Variants in SMAD4 observed in about 807,000 individuals in gnomAD.
SMAD4 encodes the protein SMAD family member 4.
Under a neutral mutation model 63.2 loss-of-function variants are expected in SMAD4, and 7 were observed. The observed-to-expected ratio is 0.11, with a 90% confidence interval of 0.06 to 0.21. SMAD4 has a LOEUF of 0.21. Among genes scored for constraint, SMAD4 ranks in the 10% least tolerant of loss-of-function variants. The pLI is 1.00. For missense variants in SMAD4, 312 were observed against 693.8 expected, an observed-to-expected ratio of 0.45 and a Z score of 6.18; for synonymous variants, 215 against 235.4, an observed-to-expected ratio of 0.91 and a Z score of 0.79.
At chr18:51,041,953 G>A (rs938466887) in intron 1 of SMAD4, among the ~76,000 whole-genome samples, 3 of 152,118 alleles carry the variant, frequency 2.0e-5, no homozygotes, top group Non-Finnish European at 4.4e-5. Context: ...CTCATTTATA[G>A]TCCCAAATCA....
intron 1 of SMAD4, among the ~76,000 whole-genome samples, chr18:51,041,363 G>T (rs1163793826): frequency 6.6e-6 from 1 of 152,280 alleles, no homozygotes; most frequent in East Asian, 1.9e-4. Context: ...CCTGGCACAT[G>T]GTAGTATTGT....
intron 1 of SMAD4, among the ~76,000 whole-genome samples, chr18:51,036,128 C>G (rs1343659050): frequency 6.6e-6 from 1 of 152,034 alleles, no homozygotes; most frequent in African/African-American, 2.4e-5. Flanking sequence ...CCGGCACCAC[C>G]ACGCCTGGCT....
At position 51,083,997 on chromosome 18, in the gene SMAD4, TGC is replaced by T. The variant is rs1555688043; in HGVS notation, c.*5533_*5534del. 7.3e-5 allele frequency: 9 copies of T among 124,008 alleles called. No homozygotes were observed. Among genetic ancestry groups the T allele is most frequent in the Admixed American group, 2.5e-4 (2 of 8,054 alleles). The allele number at this position is 124,008 out of a possible 1,614,324, so 7.7% of individuals were successfully genotyped here. Reference sequence around the variant, plus strand: ...GGCTGCAATAAACACTTAACGCGCGTGCGCACGCGCGCGCGCACACACACACA... The same window carrying T: ...GGCTGCAATAAACACTTAACGCGCGTGCACGCGCGCGCGCACACACACACA... On this transcript the variant is annotated 3_prime_UTR_variant, in exon 12 of 12. Transcript: ENST00000342988.
At chr18:51,032,575 T>C (rs1175018993) in intron 1 of SMAD4, among the ~76,000 whole-genome samples, 1 of 152,208 alleles carries the variant, frequency 6.6e-6, no homozygotes, top group Non-Finnish European at 1.5e-5. Flanking sequence ...GTGTGAATTC[T>C]TTTTCTGTAT....
chr18:51,052,617 T>C, intron 4 of SMAD4: 1 of 280,670 alleles, frequency 3.6e-6, no homozygotes, highest in Non-Finnish European at 7.1e-6. Context: ...GTTTTTTTAA[T>C]TTTATTTTTT....
chr18:51,031,616 T>C (rs546996158), intron 1 of SMAD4, among the ~76,000 whole-genome samples: 3 of 152,212 alleles, frequency 2.0e-5, no homozygotes, highest in African/African-American at 7.2e-5. Context: ...TAGCTAATTT[T>C]TGTTAGTAAC....
intron 10 of SMAD4, among the ~76,000 whole-genome samples, chr18:51,074,036 C>T (rs1910406662): frequency 6.6e-6 from 1 of 151,894 alleles, no homozygotes; most frequent in Non-Finnish European, 1.5e-5. Flanking sequence ...TTACAAAGAA[C>T]TCTTAAAACT....
At chr18:51,067,885 A>G (rs1254165978) in intron 10 of SMAD4, among the ~76,000 whole-genome samples, 1 of 152,336 alleles carries the variant, frequency 6.6e-6, no homozygotes, top group South Asian at 2.1e-4. Flanking sequence ...CAAATTAAGA[A>G]CCTGATAAGC....
chr18:51,058,656 C>T (rs1441273608), intron 7 of SMAD4, among the ~76,000 whole-genome samples, 200 bp downstream of exon 7: 1 of 152,044 alleles, frequency 6.6e-6, no homozygotes, highest in Non-Finnish European at 1.5e-5. Context: ...GTGATGTTTG[C>T]TAAATACATT....
intron 10 of SMAD4, among the ~76,000 whole-genome samples, chr18:51,070,095 C>G (rs1910276714): frequency 6.6e-6 from 1 of 152,176 alleles, no homozygotes; most frequent in Middle Eastern, 3.2e-3. Context: ...CCCATCTTGA[C>G]TCAGAAGTCT....
chr18:51,032,526 G>A (rs1372484004), intron 1 of SMAD4, among the ~76,000 whole-genome samples: 1 of 152,150 alleles, frequency 6.6e-6, no homozygotes, highest in African/African-American at 2.4e-5. Flanking sequence ...AAAAACCTCT[G>A]CTTCACTTTC....
intron 1 of SMAD4, among the ~76,000 whole-genome samples, chr18:51,042,971 G>A (rs1048511544): frequency 3.9e-5 from 6 of 152,202 alleles, no homozygotes; most frequent in Non-Finnish European, 8.8e-5. Flanking sequence ...TGTCACATTT[G>A]TAATGATTCT....
rs71171374 is a variant in SMAD4, at chr18:51,062,851, G to GTTTTTTTTT, written c.956-2556_956-2548dup. ...ACAGTCTAGTAATCTGGCTTTACTT[G>GTTTTTTTTT]TTTTTTTTTTTTTTTTTTTTTTTTG... On this transcript the variant is annotated intron_variant, in intron 8 of 11. Coordinates refer to ENST00000342988, the MANE Select transcript of SMAD4 (RefSeq NM_005359.6). 2.4e-3 allele frequency among the ~76,000 whole-genome samples: 154 copies of GTTTTTTTTT among 65,390 alleles called. 16 individuals are homozygous for GTTTTTTTTT. The highest frequency in any genetic ancestry group is 2.8e-3 in the East Asian group (5 of 1,798). The allele number at this position is 65,390 out of a possible 152,430, so 42.9% of individuals were successfully genotyped here.
At chr18:51,047,396 C>A (rs2144402586) in intron 2 of SMAD4, 101 bp downstream of exon 2, 1 of 1,039,356 alleles carries the variant, frequency 9.6e-7, no homozygotes, top group Non-Finnish European at 1.5e-6. Flanking sequence ...ATTTGTGCTC[C>A]ATCTCTTCAG....
intron 9 of SMAD4, chr18:51,066,817 A>ATACT: frequency 3.6e-6 from 2 of 548,790 alleles, no homozygotes; most frequent in Non-Finnish European, 6.5e-6. Flanking sequence ...GACACATAGT[A>ATACT]AGTGTTGTAA....
Position 51,083,550 on chromosome 18 carries a change from G to A in SMAD4, c.*5083G>A, listed in dbSNP as rs145596898. ...TGTTGATGTGGATACTTTTCACACC[G>A]TTTATTTAAATGCTTTCTCAATAGG... On this transcript the variant is annotated 3_prime_UTR_variant, in exon 12 of 12. Coordinates refer to ENST00000342988, the MANE Select transcript of SMAD4 (RefSeq NM_005359.6). 3,718 of 226,176 alleles carry A rather than the reference G, an allele frequency of 0.016. 39 individuals carry two copies. The highest frequency in any genetic ancestry group is 0.055 in the Middle Eastern group (41 of 744). The allele number at this position is 226,176 out of a possible 1,614,324, so 14.0% of individuals were successfully genotyped here.
rs1048165207 is a variant in SMAD4 at position 51,078,561 on chromosome 18, C to T, written c.*94C>T. 15 of 922,066 alleles carry T rather than the reference C, an allele frequency of 1.6e-5. No individual in the cohort carries two copies. In the African/African-American group the frequency reaches 2.0e-4, roughly 12 times the overall value. 57.1% of individuals were successfully genotyped at this position (922,066 alleles called of 1,614,324 possible). ...TCTGAAGATATATTTCACTTTTGTT[C>T]TGCTTTATCTTTTCATAAAGGGTTG... On this transcript the variant is annotated 3_prime_UTR_variant, in exon 12 of 12. Coordinates refer to ENST00000342988, the MANE Select transcript of SMAD4 (RefSeq NM_005359.6).
chr18:51,073,388 T>TATATACACACAC (rs1417299090), intron 10 of SMAD4, among the ~76,000 whole-genome samples: 9 of 64,158 alleles, frequency 1.4e-4, no homozygotes, highest in African/African-American at 3.8e-4. Context: ...TATATATATA[T>TATATACACACAC]ACACACACAC....
At chr18:51,031,737 C>CAAAAA (rs373402789) in intron 1 of SMAD4, among the ~76,000 whole-genome samples, 1 of 134,498 alleles carries the variant, frequency 7.4e-6, no homozygotes, top group African/African-American at 2.7e-5. Context: ...CATTTAGTAT[C>CAAAAA]AAAAAAAAAA....
Sources: gnomAD v4.1 joint callset for allele counts (sites outside exome capture counted in the v4.1 genomes callset) on GRCh38, gnomAD v4.1.1 for gene constraint, MANE v1.5 for transcripts, NCBI Gene and HGNC (gene_info 2026-07-23, HGNC 2026-07-21) for gene names.